The following TFEC variants were observed in gnomAD, a reference collection of about 807,000 sequenced individuals.
TFEC encodes the protein class E basic helix-loop-helix protein 34.
TFEC carries 31 observed loss-of-function variants against 41.6 expected under a neutral mutation model. That is an observed-to-expected ratio of 0.74 (90% CI 0.56 to 1.01). The LOEUF (loss-of-function observed/expected upper bound fraction) is 1.01. Among genes scored for constraint, TFEC ranks in the 50% least tolerant of loss-of-function variants. TFEC has a pLI of 0.00. For missense variants in TFEC, 402 were observed against 404.1 expected (o/e 0.99, Z 0.04); for synonymous variants, 143 against 140.6 (o/e 1.02, Z -0.12).
At chr7:116,018,689 A>G (rs1795283827) in intron 1 of TFEC, among the ~76,000 whole-genome samples, 1 of 152,230 alleles carries the variant, frequency 6.6e-6, no homozygotes, top group Non-Finnish European at 1.5e-5. Context: ...AGTCATAGGC[A>G]AATTCGTCTA....
At chr7:116,099,358 T>C (rs1446002741) in intron 3 of TFEC, among the ~76,000 whole-genome samples, 2 of 152,214 alleles carry the variant, frequency 1.3e-5, no homozygotes, top group African/African-American at 2.4e-5. Context: ...TAATCCTGAA[T>C]AGCAATATGT....
intron 1 of TFEC, among the ~76,000 whole-genome samples, chr7:116,115,361 T>C (rs1431574961): frequency 1.3e-5 from 2 of 152,026 alleles, no homozygotes; most frequent in African/African-American, 4.8e-5. Context: ...GTAGTTTCCC[T>C]AACCTAAAGT....
chr7:116,075,554 G>T (rs1562960652), intron 3 of TFEC, among the ~76,000 whole-genome samples: 1 of 152,152 alleles, frequency 6.6e-6, no homozygotes, highest in African/African-American at 2.4e-5. Flanking sequence ...CAGTGGGAGT[G>T]AGACCAGCCT....
At chr7:116,017,856 T>A (rs979130135) in intron 1 of TFEC, among the ~76,000 whole-genome samples, 2 of 152,190 alleles carry the variant, frequency 1.3e-5, no homozygotes, top group African/African-American at 2.4e-5. Flanking sequence ...TGAACTCTCA[T>A]AGTATTGGCA....
At chr7:116,132,897 A>G (rs1798360861) in intron 1 of TFEC, among the ~76,000 whole-genome samples, 1 of 152,238 alleles carries the variant, frequency 6.6e-6, no homozygotes, top group South Asian at 2.1e-4. Context: ...TAATATGCAT[A>G]TAAAATTTCA....
chr7:116,019,366 A>G (rs1159741898), intron 1 of TFEC, among the ~76,000 whole-genome samples: 2 of 152,130 alleles, frequency 1.3e-5, no homozygotes. Flanking sequence ...TTGTCTACCA[A>G]CCATACTTCC....
intron 1 of TFEC, among the ~76,000 whole-genome samples, chr7:115,988,971 GA>G (rs869288495): frequency 2.0e-5 from 3 of 152,104 alleles, no homozygotes; most frequent in Non-Finnish European, 4.4e-5. Context: ...GATTGAGGGG[GA>G]AAAAACCCAC....
At chr7:116,064,086 G>A (rs1181467477) in intron 3 of TFEC, among the ~76,000 whole-genome samples, 34 of 152,066 alleles carry the variant, frequency 2.2e-4, no homozygotes, top group Admixed American at 2.2e-3. Flanking sequence ...GAGCGGGGGG[G>A]CAGTTAGAGA....
At chr7:115,995,087 T>C (rs1794300949) in intron 1 of TFEC, among the ~76,000 whole-genome samples, 1 of 151,360 alleles carries the variant, frequency 6.6e-6, no homozygotes, top group South Asian at 2.1e-4. Flanking sequence ...CTGAGCAAAC[T>C]ATTTCAAGGA....
intron 2 of TFEC, among the ~76,000 whole-genome samples, chr7:115,975,150 C>T (rs1466471023): frequency 6.6e-6 from 1 of 151,798 alleles, no homozygotes; most frequent in Admixed American, 6.6e-5. Context: ...AAAATAGAAA[C>T]TTTCCTTCCC....
chr7:116,095,332 AGTGT>A (rs918888198), intron 3 of TFEC, among the ~76,000 whole-genome samples: 1 of 152,214 alleles, frequency 6.6e-6, no homozygotes, highest in Non-Finnish European at 1.5e-5. Flanking sequence ...ACAAAACAAA[AGTGT>A]GTGTGTTTAG....
At position 116,011,562 on chromosome 7, in the gene TFEC, A is replaced by T. The variant is rs148317279; in HGVS notation, c.-73+19071T>A. 3.5e-3 allele frequency among the ~76,000 whole-genome samples: 534 copies of T among 152,304 alleles called. 1 individual carries two copies. The highest frequency in any genetic ancestry group is 0.012 in the African/African-American group (517 of 41,566). On this transcript the variant is annotated intron_variant, in intron 1 of 7. Transcript: ENST00000265440. ...AACAGACCAACTGAATGAATGAAAT[A>T]TATATTCTTTTAATAAGAATTAATT...
intron 1 of TFEC, among the ~76,000 whole-genome samples, chr7:115,987,983 G>T (rs1474358623): frequency 6.6e-6 from 1 of 151,828 alleles, no homozygotes; most frequent in Non-Finnish European, 1.5e-5. Flanking sequence ...GAAATTTTTT[G>T]GTTTTTAAAA....
chr7:116,106,034 C>G (rs992547603), intron 3 of TFEC, among the ~76,000 whole-genome samples: 2 of 151,986 alleles, frequency 1.3e-5, no homozygotes. Flanking sequence ...TCTTTATCAA[C>G]AAAATTAAAG....
rs1793414688 is a variant in TFEC, at chr7:115,940,167, T to A, written c.*384A>T. On this transcript the variant is annotated 3_prime_UTR_variant, in exon 8 of 8. Coordinates refer to ENST00000265440, the MANE Select transcript of TFEC (RefSeq NM_012252.4). ...GTGAAAGTTGAAGAGAAGATGGAAA[T>A]GAGTAACTAAGAGACTGTTTGTATA... The A allele has an allele frequency of 6.4e-6, 1 of 157,222 alleles. No homozygotes were observed. Among genetic ancestry groups the A allele is most frequent in the African/African-American group, 2.4e-5 (1 of 41,508 alleles). The allele number at this position is 157,222 out of a possible 1,614,324, so 9.7% of individuals were successfully genotyped here.
At chr7:116,083,346 A>C (rs970302678) in intron 3 of TFEC, among the ~76,000 whole-genome samples, 2 of 151,856 alleles carry the variant, frequency 1.3e-5, no homozygotes, top group Non-Finnish European at 2.9e-5. Flanking sequence ...ATAACAAAGC[A>C]TAAATCTAAA....
intron 1 of TFEC, among the ~76,000 whole-genome samples, chr7:115,991,430 C>T (rs1477074701): frequency 1.3e-5 from 2 of 152,092 alleles, no homozygotes; most frequent in African/African-American, 4.8e-5. Context: ...CACAGACTGG[C>T]AAATTGGATA....
At chr7:116,048,524 C>CCTGAATGGCACCA (rs2130945312) in intron 3 of TFEC, among the ~76,000 whole-genome samples, 1 of 152,280 alleles carries the variant, frequency 6.6e-6, no homozygotes, top group South Asian at 2.1e-4. Context: ...CTGAAAGTGA[C>CCTGAATGGCACCA]AGGGAGAATG....
chr7:116,125,791 C>T (rs773351133), intron 1 of TFEC, among the ~76,000 whole-genome samples: 9 of 152,146 alleles, frequency 5.9e-5, no homozygotes, highest in Non-Finnish European at 1.0e-4. Flanking sequence ...TGGACAACTT[C>T]AGTAAGACAT....
Sources: gnomAD v4.1 joint callset for allele counts (sites outside exome capture counted in the v4.1 genomes callset) on GRCh38, gnomAD v4.1.1 for gene constraint, MANE v1.5 for transcripts, NCBI Gene and HGNC (gene_info 2026-07-23, HGNC 2026-07-21) for gene names.